Variants in ZC3H18 observed in about 807,000 individuals in gnomAD.
ZC3H18 encodes zinc finger CCCH-type containing 18.
ZC3H18 carries 8 observed loss-of-function variants against 106.1 expected under a neutral mutation model. The ratio of observed to expected loss-of-function variants is 0.08; its 90% confidence interval spans 0.04 to 0.14. ZC3H18 has a LOEUF of 0.14. ZC3H18 is among the 10% of genes least tolerant of loss of function. The pLI is 1.00. For synonymous variants in ZC3H18, 635 were observed against 522.1 expected (o/e 1.22, Z -2.95); for missense variants, 1,318 against 1,278.4 (o/e 1.03, Z -0.47).
chr16:88,623,164 T>C (rs1906075706), intron 9 of ZC3H18, 55 bp from the exon 10 acceptor site: 1 of 1,589,900 alleles, frequency 6.3e-7, no homozygotes, highest in African/African-American at 1.3e-5. Flanking sequence ...TCAGGGCGTG[T>C]GGGGCAGGGA....
intron 3 of ZC3H18, among the ~76,000 whole-genome samples, chr16:88,592,660 G>A (rs936933127): frequency 6.6e-6 from 1 of 151,994 alleles, no homozygotes; most frequent in African/African-American, 2.4e-5. Context: ...TTTTAGTAGT[G>A]GCTAAATTTT....
At chr16:88,625,903 C>T (rs956929608) in intron 13 of ZC3H18, 12 of 136,878 alleles carry the variant, frequency 8.8e-5, no homozygotes, top group African/African-American at 2.5e-4. Context: ...AGTGCAATGG[C>T]GCGATCTCGC....
At chr16:88,592,952 T>C (rs1314652456) in intron 3 of ZC3H18, among the ~76,000 whole-genome samples, 2 of 152,238 alleles carry the variant, frequency 1.3e-5, no homozygotes, top group Admixed American at 6.5e-5. Context: ...TGCCATGAAA[T>C]TGACCCATTT....
intron 3 of ZC3H18, among the ~76,000 whole-genome samples, chr16:88,593,276 G>A (rs1380394805): frequency 6.6e-6 from 1 of 152,172 alleles, no homozygotes; most frequent in East Asian, 1.9e-4. Context: ...CTGAGCCACA[G>A]TGAGCACAGC....
intron 8 of ZC3H18, among the ~76,000 whole-genome samples, chr16:88,617,099 C>G (rs1402502935): frequency 6.6e-6 from 1 of 152,192 alleles, no homozygotes; most frequent in Admixed American, 6.5e-5. Flanking sequence ...CTGCCCTGAG[C>G]TATCTGATGG....
At chr16:88,570,630 G>A (rs1208287170) in intron 1 of ZC3H18, 64 bp downstream of exon 1, 2 of 150,566 alleles carry the variant, frequency 1.3e-5, no homozygotes, top group African/African-American at 2.4e-5. Flanking sequence ...GGAGGCCGCC[G>A]AGGCGGCGGC....
At chr16:88,581,249 A>C (rs1597322507) in intron 2 of ZC3H18, among the ~76,000 whole-genome samples, 1 of 152,106 alleles carries the variant, frequency 6.6e-6, no homozygotes, top group South Asian at 2.1e-4. Context: ...TGATCCTCCT[A>C]CCTGGGCCTC....
At chr16:88,616,005 G>T (rs998361573) in intron 8 of ZC3H18, among the ~76,000 whole-genome samples, 2 of 152,222 alleles carry the variant, frequency 1.3e-5, no homozygotes, top group African/African-American at 4.8e-5. Flanking sequence ...CGACTGCTGT[G>T]CCCGTCTCCT....
chr16:88,598,534 GTTGTAGT>G, intron 4 of ZC3H18, 79 bp from the exon 5 acceptor site: 1 of 1,474,754 alleles, frequency 6.8e-7, no homozygotes, highest in Non-Finnish European at 9.3e-7. Context: ...GCCGGCTTGT[GTTGTAGT>G]TGATGTTTTT....
intron 8 of ZC3H18, among the ~76,000 whole-genome samples, chr16:88,621,385 T>C (rs1397025737): frequency 2.0e-5 from 3 of 152,112 alleles, no homozygotes; most frequent in Non-Finnish European, 2.9e-5. Flanking sequence ...CCACCACGCC[T>C]GGCTAATTTT....
chr16:88,593,735 G>T (rs2142639124), intron 3 of ZC3H18, among the ~76,000 whole-genome samples: 2 of 152,318 alleles, frequency 1.3e-5, no homozygotes, highest in South Asian at 2.1e-4. Flanking sequence ...TCCGGGTCCT[G>T]GCAGGAACAA....
intron 3 of ZC3H18, chr16:88,587,403 A>G: frequency 1.5e-6 from 1 of 677,874 alleles, no homozygotes. Context: ...ATTTCTTGTA[A>G]TTCAGCGTTC....
chr16:88,588,548 C>G (rs1460626984), intron 3 of ZC3H18, among the ~76,000 whole-genome samples: 10 of 132,800 alleles, frequency 7.5e-5, no homozygotes, highest in Non-Finnish European at 1.6e-4. Flanking sequence ...AGACAGGATC[C>G]TGTCTCCTTG....
chr16:88,588,278 A>G (rs895794338), intron 3 of ZC3H18, among the ~76,000 whole-genome samples: 2 of 152,206 alleles, frequency 1.3e-5, no homozygotes, highest in Non-Finnish European at 2.9e-5. Context: ...AGTCATTTTG[A>G]ATCAGCACCC....
At position 88,622,219 on chromosome 16, in the gene ZC3H18, AAGG is replaced by A; in HGVS notation, c.1502_1504del (p.Glu501del). 9.3e-6 allele frequency: 15 copies of A among 1,610,476 alleles called. No individual in the cohort carries two copies. The highest frequency in any genetic ancestry group is 1.2e-5 in the Non-Finnish European group (14 of 1,177,562). On this transcript the variant is annotated inframe_deletion, in exon 9 of 18. Coordinates refer to ENST00000301011, the MANE Select transcript of ZC3H18 (RefSeq NM_144604.4). ...CAGCCGCCAAGCTGAGCCACCAAAG[AAGG>A]AGGCTGCCACCACGGGGCCGCAGGT...
chr16:88,624,893 C>T (rs994371319), intron 12 of ZC3H18, 148 bp downstream of exon 12: 1 of 1,238,900 alleles, frequency 8.1e-7, no homozygotes, highest in East Asian at 2.6e-5. Flanking sequence ...TGAGCCCTTA[C>T]CCGGGAACCT....
At chr16:88,588,546 TCCTGTCTC>T (rs1915566394) in intron 3 of ZC3H18, among the ~76,000 whole-genome samples, 1 of 132,796 alleles carries the variant, frequency 7.5e-6, no homozygotes, top group Admixed American at 7.4e-5. Context: ...ACAGACAGGA[TCCTGTCTC>T]CTTGCACATC....
intron 8 of ZC3H18, among the ~76,000 whole-genome samples, chr16:88,614,884 G>T (rs974654004): frequency 6.6e-6 from 1 of 152,150 alleles, no homozygotes; most frequent in Admixed American, 6.5e-5. Flanking sequence ...CCAGCACCCC[G>T]TGCACACACC....
chr16:88,589,286 G>C (rs1915608504), intron 3 of ZC3H18, among the ~76,000 whole-genome samples: 2 of 152,246 alleles, frequency 1.3e-5, no homozygotes, highest in Non-Finnish European at 2.9e-5. Flanking sequence ...GGTACCCACT[G>C]TATGACCCAG....
Sources: allele counts gnomAD v4.1 joint callset (sites outside exome capture counted in the v4.1 genomes callset), GRCh38; gene constraint gnomAD v4.1.1; transcripts MANE v1.5; gene names NCBI Gene and HGNC (gene_info 2026-07-23, HGNC 2026-07-21).